The following DAP variants were observed in gnomAD, a reference collection of about 807,000 sequenced individuals.
DAP encodes death associated protein.
DAP carries 8 observed loss-of-function variants against 13.8 expected under a neutral mutation model. The observed-to-expected ratio is 0.58, with a 90% CI of 0.34 to 1.05. DAP has a LOEUF of 1.05. Among genes scored for constraint, DAP ranks in the 50% least tolerant of loss-of-function variants. DAP has a pLI of 0.03. For missense variants in DAP, 106 were observed against 133.2 expected (o/e 0.80, Z 1.01); for synonymous variants, 47 against 47.5 (o/e 0.99, Z 0.04).
At chr5:10,699,949 C>T (rs1396162041) in intron 2 of DAP, among the ~76,000 whole-genome samples, 1 of 152,226 alleles carries the variant, frequency 6.6e-6, no homozygotes, top group Non-Finnish European at 1.5e-5. Flanking sequence ...CCCTGTTATT[C>T]ACAAAGTGAG....
chr5:10,740,647 T>G (rs1048898647), intron 2 of DAP, among the ~76,000 whole-genome samples: 1 of 152,190 alleles, frequency 6.6e-6, no homozygotes, highest in African/African-American at 2.4e-5. Flanking sequence ...GTTTAACACA[T>G]TGAAAGAAAA....
intron 2 of DAP, among the ~76,000 whole-genome samples, chr5:10,716,453 CTG>C (rs1241389943): frequency 3.9e-5 from 6 of 152,146 alleles, no homozygotes; most frequent in African/African-American, 1.2e-4. Context: ...GTGTGTCTGT[CTG>C]TGAGGGTGTT....
Position 10,720,793 on chromosome 5 carries a change from T to C in DAP, c.152+27382A>G, listed in dbSNP as rs147886716. Among the ~76,000 whole-genome samples, 4 of 152,330 alleles carry C rather than the reference T, an allele frequency of 2.6e-5. No homozygotes were observed. In the East Asian group the frequency reaches 7.7e-4, roughly 29 times the overall value. ...AGTTGATTATAATGGACCTTTTCCA[T>C]CATGGAAGATGGCATCATGGCAGAA... On this transcript the variant is annotated intron_variant, in intron 2 of 3. Transcript: ENST00000230895.
intron 2 of DAP, among the ~76,000 whole-genome samples, chr5:10,739,175 C>T (rs1296880763): frequency 4.4e-5 from 5 of 113,294 alleles, no homozygotes; most frequent in Non-Finnish European, 8.3e-5. Flanking sequence ...GCATTCCAGC[C>T]TGGGTGACAG....
At chr5:10,713,794 G>A (rs1295288996) in intron 2 of DAP, among the ~76,000 whole-genome samples, 1 of 152,276 alleles carries the variant, frequency 6.6e-6, no homozygotes, top group Non-Finnish European at 1.5e-5. Flanking sequence ...TCATTCGGGT[G>A]ATGACAAAGG....
At chr5:10,709,524 G>C (rs1421956461) in intron 2 of DAP, among the ~76,000 whole-genome samples, 1 of 152,216 alleles carries the variant, frequency 6.6e-6, no homozygotes, top group Non-Finnish European at 1.5e-5. Flanking sequence ...ACATCCCACT[G>C]CACTGCCCAG....
intron 2 of DAP, among the ~76,000 whole-genome samples, chr5:10,746,322 GTTTT>G (rs954556904): frequency 2.2e-5 from 3 of 138,552 alleles, no homozygotes; most frequent in African/African-American, 5.5e-5. Context: ...TAATTCTAGC[GTTTT>G]TTTTTTGTTT....
chr5:10,725,242 G>A (rs1041984565), intron 2 of DAP, among the ~76,000 whole-genome samples: 6 of 152,158 alleles, frequency 3.9e-5, no homozygotes, highest in African/African-American at 1.2e-4. Flanking sequence ...CCTCTCGTTT[G>A]TACTTTTCCA....
rs931981957 is a variant in DAP, at chr5:10,683,105, G to C, written c.195+424C>G. The C allele has an allele frequency of 2.5e-5, 6 of 244,524 alleles. No homozygotes were observed. The Admixed American group carries it at 3.5e-4, about 14-fold the overall frequency. The allele number at this position is 244,524 out of a possible 1,614,324, so 15.1% of individuals were successfully genotyped here. ...TGGAGCCACACTTCTCTGGCTGGCA[G>C]GTTGGCTGGCTGCGGTCACAGCTCC... On this transcript the variant is annotated intron_variant, in intron 3 of 3. Coordinates refer to ENST00000230895, the MANE Select transcript of DAP (RefSeq NM_004394.3).
chr5:10,686,642 TAA>T (rs1491218811), intron 2 of DAP, among the ~76,000 whole-genome samples: 2 of 152,110 alleles, frequency 1.3e-5, no homozygotes, highest in African/African-American at 4.8e-5. Flanking sequence ...CTATGAAGGC[TAA>T]GAGAGGTGAG....
At chr5:10,757,011 G>T (rs1168888310) in intron 1 of DAP, among the ~76,000 whole-genome samples, 11 of 152,222 alleles carry the variant, frequency 7.2e-5, no homozygotes, top group African/African-American at 2.4e-4. Context: ...GACTGCAGAC[G>T]ACAGCACATT....
At chr5:10,726,694 C>T (rs1387722954) in intron 2 of DAP, among the ~76,000 whole-genome samples, 1 of 152,218 alleles carries the variant, frequency 6.6e-6, no homozygotes, top group Admixed American at 6.5e-5. Flanking sequence ...TGTGAAGGGC[C>T]TGAGGTTTTA....
intron 1 of DAP, among the ~76,000 whole-genome samples, chr5:10,757,951 G>A (rs1003303316): frequency 5.9e-5 from 9 of 152,186 alleles, no homozygotes; most frequent in Admixed American, 2.0e-4. Context: ...GTTAGTGCAC[G>A]AAGGAAAACA....
intron 2 of DAP, among the ~76,000 whole-genome samples, chr5:10,712,932 G>A (rs1738888601): frequency 6.6e-6 from 1 of 152,072 alleles, no homozygotes; most frequent in South Asian, 2.1e-4. Context: ...TTGAAGTGGG[G>A]GAGGGAGAAG....
intron 2 of DAP, among the ~76,000 whole-genome samples, chr5:10,733,202 GTGTGTA>G (rs767285627): frequency 0.011 from 414 of 38,160 alleles, 4 homozygotes; most frequent in Non-Finnish European, 0.017. Flanking sequence ...GTGTGTGTGT[GTGTGTA>G]TACCCTACAT....
At chr5:10,759,744 C>CTTTTTTTTTTTTTT (rs1169454640) in intron 1 of DAP, among the ~76,000 whole-genome samples, 1 of 88,202 alleles carries the variant, frequency 1.1e-5, no homozygotes. Flanking sequence ...TAATGGGAAT[C>CTTTTTTTTTTTTTT]TTTTTTTTTT....
At chr5:10,722,587 C>CATATATACAT (rs1187558467) in intron 2 of DAP, among the ~76,000 whole-genome samples, 7 of 125,108 alleles carry the variant, frequency 5.6e-5, no homozygotes, top group African/African-American at 9.5e-5. Flanking sequence ...CATATATATA[C>CATATATACAT]ATATATACAT....
intron 1 of DAP, among the ~76,000 whole-genome samples, chr5:10,756,986 A>G (rs534188874): frequency 4.8e-4 from 73 of 152,360 alleles, no homozygotes; most frequent in African/African-American, 1.7e-3. Context: ...TTAAGGCTGG[A>G]TTACTTCTAC....
At chr5:10,760,705 A>G (rs866438606) in intron 1 of DAP, among the ~76,000 whole-genome samples, 19 of 152,350 alleles carry the variant, frequency 1.2e-4, no homozygotes, top group Middle Eastern at 3.4e-3. Context: ...AAACTTTGTT[A>G]TAAGTTGTGC....
Sources: allele counts gnomAD v4.1 joint callset (sites outside exome capture counted in the v4.1 genomes callset), GRCh38; gene constraint gnomAD v4.1.1; transcripts MANE v1.5; gene names NCBI Gene and HGNC (gene_info 2026-07-23, HGNC 2026-07-21).